LINGO2: variants seen among roughly 807,000 people sequenced by gnomAD.
The protein encoded by LINGO2 is leucine-rich repeat and immunoglobulin-like domain-containing nogo receptor-interacting protein 2.
A neutral mutation model predicts 30.6 loss-of-function variants in LINGO2; 14 were observed. The observed-to-expected ratio is 0.46, with a 90% CI of 0.30 to 0.72. The LOEUF (loss-of-function observed/expected upper bound fraction) is 0.72, where lower values mean the gene tolerates loss of function less well. Among genes scored for constraint, LINGO2 ranks in the 30% least tolerant of loss-of-function variants. LINGO2 has a pLI of 0.07. For missense variants in LINGO2, 729 were observed against 751.7 expected (o/e 0.97, Z 0.35); for synonymous variants, 317 against 288.5 (o/e 1.10, Z -1.00).
chr9:28,620,008 T>C (rs1826318476), intron 1 of LINGO2, among the ~76,000 whole-genome samples: 1 of 127,798 alleles, frequency 7.8e-6, no homozygotes, highest in Admixed American at 7.8e-5. Flanking sequence ...AACTTTAATA[T>C]GTTTCTGCTT....
At chr9:28,792,663 T>C in the LINGO2 span, among the ~76,000 whole-genome samples, 1 of 152,152 alleles carries the variant, frequency 6.6e-6, no homozygotes, top group African/African-American at 2.4e-5. Flanking sequence ...ATTCTTTAGT[T>C]GAATACTACC....
intron 5 of LINGO2, among the ~76,000 whole-genome samples, chr9:27,973,259 A>C (rs1820437662): frequency 6.6e-6 from 1 of 152,192 alleles, no homozygotes; most frequent in African/African-American, 2.4e-5. Flanking sequence ...TGTTGGCTTA[A>C]AGCAGTGGAT....
At chr9:29,155,129 T>C in the LINGO2 span, among the ~76,000 whole-genome samples, 2 of 152,170 alleles carry the variant, frequency 1.3e-5, no homozygotes, top group African/African-American at 4.8e-5. Context: ...CTGATTTCAT[T>C]GTGAGAAAAA....
the LINGO2 span, among the ~76,000 whole-genome samples, chr9:28,782,166 G>C: frequency 6.6e-6 from 1 of 152,090 alleles, no homozygotes; most frequent in South Asian, 2.1e-4. Flanking sequence ...CAGTGGTATG[G>C]CATTAATGAC....
At chr9:28,250,379 G>T (rs971827949) in intron 4 of LINGO2, among the ~76,000 whole-genome samples, 6 of 152,178 alleles carry the variant, frequency 3.9e-5, no homozygotes, top group African/African-American at 1.4e-4. Context: ...AGAGAATTTA[G>T]CACAGTGGTG....
chr9:27,964,546 G>A (rs1820004680), intron 5 of LINGO2, among the ~76,000 whole-genome samples: 1 of 151,996 alleles, frequency 6.6e-6, no homozygotes, highest in Non-Finnish European at 1.5e-5. Context: ...TATAAAATGG[G>A]CATACAACTA....
intron 4 of LINGO2, among the ~76,000 whole-genome samples, chr9:28,212,202 G>A (rs13298127): frequency 0.1 from 15,352 of 151,418 alleles, 868 homozygotes; most frequent in Middle Eastern, 0.15. Flanking sequence ...TATGTATGAA[G>A]ACAACACCAT....
the LINGO2 span, among the ~76,000 whole-genome samples, chr9:29,046,100 C>T: frequency 2.6e-5 from 4 of 152,130 alleles, no homozygotes; most frequent in African/African-American, 9.7e-5. Context: ...GTTTGACTTC[C>T]TCTCTTCCTA....
the LINGO2 span, among the ~76,000 whole-genome samples, chr9:29,127,709 C>T: frequency 1.3e-5 from 2 of 152,044 alleles, no homozygotes; most frequent in Non-Finnish European, 2.9e-5. Context: ...CTGGCATTAC[C>T]TGAAGGCCAC....
intron 4 of LINGO2, among the ~76,000 whole-genome samples, chr9:28,088,428 C>T (rs913008918): frequency 1.3e-5 from 2 of 151,998 alleles, no homozygotes; most frequent in Admixed American, 6.6e-5. Flanking sequence ...AATGTTAAAA[C>T]CAAGATCTTC....
At chr9:28,609,780 C>G (rs1554645167) in intron 1 of LINGO2, among the ~76,000 whole-genome samples, 1 of 152,042 alleles carries the variant, frequency 6.6e-6, no homozygotes, top group Non-Finnish European at 1.5e-5. Flanking sequence ...AATTTTTGCA[C>G]ATATGAGTGT....
the LINGO2 span, among the ~76,000 whole-genome samples, chr9:29,075,025 T>C: frequency 1.3e-5 from 2 of 152,094 alleles, no homozygotes; most frequent in Non-Finnish European, 2.9e-5. Flanking sequence ...TAAATACACA[T>C]AATTTTATGT....
At chr9:28,576,195 T>C (rs1823976863) in intron 1 of LINGO2, among the ~76,000 whole-genome samples, 1 of 152,194 alleles carries the variant, frequency 6.6e-6, no homozygotes, top group Admixed American at 6.5e-5. Context: ...GAGTCTCAAT[T>C]ATTCACCCTT....
At chr9:28,914,497 T>A in the LINGO2 span, among the ~76,000 whole-genome samples, 1 of 152,320 alleles carries the variant, frequency 6.6e-6, no homozygotes, top group South Asian at 2.1e-4. Context: ...CAAGAAAATC[T>A]ACAGATCAAT....
At chr9:28,358,610 C>T (rs1034456007) in intron 3 of LINGO2, among the ~76,000 whole-genome samples, 1 of 152,118 alleles carries the variant, frequency 6.6e-6, no homozygotes, top group African/African-American at 2.4e-5. Context: ...CCTCTGGAAC[C>T]AGGCATATGG....
intron 1 of LINGO2, among the ~76,000 whole-genome samples, chr9:28,563,883 G>C (rs192286813): frequency 6.6e-6 from 1 of 152,014 alleles, no homozygotes; most frequent in African/African-American, 2.4e-5. Flanking sequence ...CTCTGCCAAC[G>C]GGTTTTCTAG....
intron 1 of LINGO2, among the ~76,000 whole-genome samples, chr9:28,666,799 G>A (rs1322415903): frequency 1.3e-5 from 2 of 152,012 alleles, no homozygotes; most frequent in Non-Finnish European, 2.9e-5. Context: ...TGAAATATTT[G>A]GCCTTACTTT....
the LINGO2 span, among the ~76,000 whole-genome samples, chr9:29,177,086 A>G: frequency 6.6e-6 from 1 of 152,222 alleles, no homozygotes; most frequent in African/African-American, 2.4e-5. Context: ...GCATTAAAGT[A>G]TAGGTCAGCA....
chr9:27,955,134 AATTGC>A (rs1045799117), intron 5 of LINGO2, among the ~76,000 whole-genome samples: 7 of 152,318 alleles, frequency 4.6e-5, no homozygotes, highest in Admixed American at 3.9e-4. Flanking sequence ...TGAAAGATAG[AATTGC>A]ATGGCTTTTA....
Sources: allele counts gnomAD v4.1 joint callset (sites outside exome capture counted in the v4.1 genomes callset), GRCh38; gene constraint gnomAD v4.1.1; transcripts MANE v1.5; gene names NCBI Gene and HGNC (gene_info 2026-07-23, HGNC 2026-07-21).